The following ANO4 variants were observed in gnomAD, a reference collection of about 807,000 sequenced individuals.
ANO4 encodes the protein anoctamin 4.
Under a neutral mutation model 141.9 loss-of-function variants are expected in ANO4, and 69 were observed. The ratio of observed to expected loss-of-function variants is 0.49; its 90% CI spans 0.40 to 0.59. The LOEUF (loss-of-function observed/expected upper bound fraction) is 0.59, where lower values mean the gene tolerates loss of function less well. Ranked by LOEUF, ANO4 falls within the 20% of genes least tolerant of loss-of-function variation. ANO4 has a pLI of 0.00. For synonymous variants in ANO4, 350 were observed against 394.3 expected (o/e 0.89, Z 1.33); for missense variants, 894 against 1,162.2 (o/e 0.77, Z 3.36).
intron 8 of ANO4, among the ~76,000 whole-genome samples, chr12:101,005,013 G>A (rs1266564020): frequency 1.3e-5 from 2 of 152,092 alleles, no homozygotes; most frequent in Non-Finnish European, 2.9e-5. Context: ...TGAACAGCAG[G>A]GACAGAGATG....
At chr12:100,802,202 TTTAG>T (rs1469165810) in intron 1 of ANO4, among the ~76,000 whole-genome samples, 3 of 152,198 alleles carry the variant, frequency 2.0e-5, no homozygotes, top group African/African-American at 7.2e-5. Context: ...ACTGTAAAAA[TTTAG>T]TTATTTTTTT....
At chr12:101,065,391 A>G (rs1483019589) in intron 14 of ANO4, among the ~76,000 whole-genome samples, 3 of 152,184 alleles carry the variant, frequency 2.0e-5, no homozygotes, top group Non-Finnish European at 4.4e-5. Context: ...TTAAGAGAGA[A>G]GACCCAAATA....
chr12:101,068,430 A>G (rs1045392321), intron 14 of ANO4: 4 of 918,814 alleles, frequency 4.4e-6, no homozygotes, highest in Non-Finnish European at 7.3e-6. Context: ...GCTGTTTTTA[A>G]GAAGACTGTG....
chr12:101,019,904 G>A (rs935039685), intron 8 of ANO4, 130 bp from the exon 9 acceptor site: 1 of 717,300 alleles, frequency 1.4e-6, no homozygotes, highest in African/African-American at 1.8e-5. Context: ...GCTCCCTCAG[G>A]CTGTTCCAGA....
At chr12:100,997,706 G>T (rs951792699) in intron 8 of ANO4, among the ~76,000 whole-genome samples, 1 of 151,970 alleles carries the variant, frequency 6.6e-6, no homozygotes, top group Admixed American at 6.6e-5. Context: ...AGGGAGAAAC[G>T]TAGTAACTCA....
chr12:101,070,042 C>T (rs1000564244), intron 14 of ANO4, among the ~76,000 whole-genome samples: 2 of 151,948 alleles, frequency 1.3e-5, no homozygotes, highest in African/African-American at 4.8e-5. Flanking sequence ...GAAAAATAGT[C>T]CATGTTCATA....
chr12:101,019,572 CA>C (rs2046441195), intron 8 of ANO4, among the ~76,000 whole-genome samples: 1 of 152,146 alleles, frequency 6.6e-6, no homozygotes, highest in Non-Finnish European at 1.5e-5. Context: ...ACCTGTGAGC[CA>C]GACCACAGCT....
intron 13 of ANO4, 33 bp downstream of exon 13, chr12:101,043,668 G>T: frequency 6.7e-7 from 1 of 1,486,474 alleles, no homozygotes; most frequent in South Asian, 1.1e-5. Flanking sequence ...TAGATGAATT[G>T]AATTTAACAT....
chr12:100,952,652 G>T (rs1364370791), intron 5 of ANO4, among the ~76,000 whole-genome samples: 1 of 152,116 alleles, frequency 6.6e-6, no homozygotes, highest in Non-Finnish European at 1.5e-5. Flanking sequence ...GTAGAATCAG[G>T]GCTGTATTCT....
At chr12:100,987,449 ATAG>A in intron 7 of ANO4, 87 bp from the exon 8 acceptor site, 1 of 1,493,666 alleles carries the variant, frequency 6.7e-7, no homozygotes, top group Non-Finnish European at 9.1e-7. Context: ...GTGTGGTATG[ATAG>A]TTGTGGCTCT....
At chr12:100,988,077 G>A (rs945857238) in intron 8 of ANO4, among the ~76,000 whole-genome samples, 29 of 152,066 alleles carry the variant, frequency 1.9e-4, no homozygotes, top group African/African-American at 7.0e-4. Flanking sequence ...TTTGTTTTCC[G>A]GTTTTTGTTT....
chr12:101,067,791 G>T (rs1216338000), intron 14 of ANO4, among the ~76,000 whole-genome samples: 1 of 152,200 alleles, frequency 6.6e-6, no homozygotes, highest in East Asian at 1.9e-4. Flanking sequence ...CATGCATTTT[G>T]TCCTGCCATG....
chr12:100,938,182 G>A (rs1444237010), intron 3 of ANO4, among the ~76,000 whole-genome samples: 1 of 152,128 alleles, frequency 6.6e-6, no homozygotes, highest in East Asian at 1.9e-4. Context: ...TTTATACCTG[G>A]TCATCTCATC....
intron 9 of ANO4, among the ~76,000 whole-genome samples, chr12:101,027,198 G>A (rs1239366950): frequency 2.0e-5 from 3 of 152,194 alleles, no homozygotes; most frequent in East Asian, 1.9e-4. Flanking sequence ...GTGGGAAACC[G>A]TGCTTTTTTC....
intron 5 of ANO4, among the ~76,000 whole-genome samples, chr12:100,944,920 T>C (rs2042663811): frequency 6.6e-6 from 1 of 152,192 alleles, no homozygotes; most frequent in African/African-American, 2.4e-5. Context: ...GGAAGTATTT[T>C]TATTTAAATC....
chr12:100,863,484 G>T (rs1165843008), intron 1 of ANO4, among the ~76,000 whole-genome samples: 1 of 152,144 alleles, frequency 6.6e-6, no homozygotes, highest in Non-Finnish European at 1.5e-5. Flanking sequence ...TTGAGTTTCT[G>T]TAACAATCTT....
chr12:100,975,302 C>T (rs1203938618), intron 7 of ANO4, among the ~76,000 whole-genome samples: 1 of 151,980 alleles, frequency 6.6e-6, no homozygotes, highest in Non-Finnish European at 1.5e-5. Context: ...TGCAGGCTTT[C>T]ATCCCTCGCC....
chr12:101,041,059 A>T (rs777546597), intron 11 of ANO4, among the ~76,000 whole-genome samples: 1 of 151,966 alleles, frequency 6.6e-6, no homozygotes, highest in South Asian at 2.1e-4. Flanking sequence ...TGACATCTCT[A>T]TTTATTTAGA....
intron 1 of ANO4, among the ~76,000 whole-genome samples, chr12:100,889,924 T>C (rs1265005841): frequency 6.6e-6 from 1 of 152,210 alleles, no homozygotes; most frequent in Non-Finnish European, 1.5e-5. Flanking sequence ...ATTTTTCATA[T>C]CATAAATCCA....
Sources: gnomAD v4.1 joint callset for allele counts (sites outside exome capture counted in the v4.1 genomes callset) on GRCh38, gnomAD v4.1.1 for gene constraint, MANE v1.5 for transcripts, NCBI Gene and HGNC (gene_info 2026-07-23, HGNC 2026-07-21) for gene names.